The following GALNT13 variants were observed in gnomAD, a reference collection of about 807,000 sequenced individuals.
GALNT13 encodes the protein UDP-GalNAc:polypeptide N-acetylgalactosaminyltransferase 13.
A neutral mutation model predicts 64.2 loss-of-function variants in GALNT13; 28 were observed. The observed-to-expected ratio is 0.44, with a 90% CI of 0.32 to 0.60. GALNT13 has a LOEUF of 0.60. Among genes scored for constraint, GALNT13 ranks in the 20% least tolerant of loss-of-function variants. GALNT13 has a pLI of 0.05. For synonymous variants in GALNT13, 214 were observed against 224.6 expected, an observed-to-expected ratio of 0.95 and a Z score of 0.42; for missense variants, 577 against 669.8, an observed-to-expected ratio of 0.86 and a Z score of 1.53.
the GALNT13 span, among the ~76,000 whole-genome samples, chr2:153,821,678 T>A: frequency 6.6e-6 from 1 of 151,950 alleles, no homozygotes; most frequent in East Asian, 1.9e-4. Context: ...GAAGAAATAG[T>A]AAAACAAGGA....
intron 4 of GALNT13, among the ~76,000 whole-genome samples, chr2:154,214,909 A>G (rs891329653): frequency 3.3e-5 from 5 of 152,176 alleles, no homozygotes; most frequent in African/African-American, 1.2e-4. Flanking sequence ...CCCTAGCACA[A>G]TGCTGGATTC....
At chr2:153,465,607 G>C in the GALNT13 span, among the ~76,000 whole-genome samples, 1 of 151,654 alleles carries the variant, frequency 6.6e-6, no homozygotes, top group African/African-American at 2.4e-5. Context: ...TGGATAAATA[G>C]GTGCCTCTGA....
the GALNT13 span, among the ~76,000 whole-genome samples, chr2:153,616,470 A>G: frequency 6.6e-6 from 1 of 151,768 alleles, no homozygotes; most frequent in Non-Finnish European, 1.5e-5. Flanking sequence ...GAAGAATGTC[A>G]TTGGTATTTT....
the GALNT13 span, among the ~76,000 whole-genome samples, chr2:153,605,977 A>C: frequency 1.3e-5 from 2 of 152,024 alleles, no homozygotes; most frequent in African/African-American, 4.8e-5. Context: ...TTAGAGCAAT[A>C]GTGAGGAGAA....
chr2:153,972,666 TA>T (rs1693819667), intron 3 of GALNT13, among the ~76,000 whole-genome samples: 1 of 152,082 alleles, frequency 6.6e-6, no homozygotes, highest in South Asian at 2.1e-4. Context: ...TTGCTGTACC[TA>T]ATATAAAATA....
the GALNT13 span, among the ~76,000 whole-genome samples, chr2:153,645,122 G>A: frequency 1.3e-5 from 2 of 152,080 alleles, no homozygotes; most frequent in African/African-American, 4.8e-5. Context: ...ACTGCAAAGA[G>A]TTAGAGGCAA....
intron 1 of GALNT13, among the ~76,000 whole-genome samples, chr2:153,893,678 A>G (rs1687708346): frequency 6.6e-6 from 1 of 152,046 alleles, no homozygotes; most frequent in African/African-American, 2.4e-5. Flanking sequence ...TTGGAATATA[A>G]ATAAATATTA....
At chr2:153,856,291 A>G in the GALNT13 span, among the ~76,000 whole-genome samples, 1 of 152,282 alleles carries the variant, frequency 6.6e-6, no homozygotes. Flanking sequence ...GTAGGCAGGT[A>G]AATAGATAGA....
the GALNT13 span, among the ~76,000 whole-genome samples, chr2:153,181,232 A>T: frequency 6.6e-6 from 1 of 151,058 alleles, no homozygotes; most frequent in African/African-American, 2.4e-5. Flanking sequence ...AGATATTTTT[A>T]AATTTCTCTT....
At chr2:153,817,849 T>C in the GALNT13 span, among the ~76,000 whole-genome samples, 5 of 152,246 alleles carry the variant, frequency 3.3e-5, no homozygotes, top group East Asian at 9.7e-4. Flanking sequence ...AAGGAAAACA[T>C]GGTGTAACCA....
the GALNT13 span, among the ~76,000 whole-genome samples, chr2:153,850,500 G>C: frequency 6.6e-6 from 1 of 152,124 alleles, no homozygotes; most frequent in Non-Finnish European, 1.5e-5. Context: ...TCAAAAGGTA[G>C]AATTAACAAT....
chr2:154,297,437 G>A (rs113914550), intron 8 of GALNT13, among the ~76,000 whole-genome samples: 2 of 152,270 alleles, frequency 1.3e-5, no homozygotes, highest in African/African-American at 2.4e-5. Flanking sequence ...AGGTCAGAAA[G>A]GTGGGGTCCT....
chr2:153,274,507 A>G, the GALNT13 span, among the ~76,000 whole-genome samples: 1 of 152,206 alleles, frequency 6.6e-6, no homozygotes, highest in Non-Finnish European at 1.5e-5. Flanking sequence ...AGAATAAAAG[A>G]GGAATATGGC....
chr2:154,092,102 G>T (rs925797867), intron 3 of GALNT13, among the ~76,000 whole-genome samples: 114 of 124,038 alleles, frequency 9.2e-4, no homozygotes, highest in African/African-American at 3.4e-3. Context: ...AAAAAAAAAA[G>T]CTATAATTTA....
At chr2:153,350,478 G>A in the GALNT13 span, among the ~76,000 whole-genome samples, 2 of 150,262 alleles carry the variant, frequency 1.3e-5, no homozygotes, top group African/African-American at 2.5e-5. Flanking sequence ...TGTCTCCCGG[G>A]TTCAAGCGAT....
chr2:153,169,900 G>A, the GALNT13 span, among the ~76,000 whole-genome samples: 1 of 152,306 alleles, frequency 6.6e-6, no homozygotes, highest in South Asian at 2.1e-4. Flanking sequence ...TCATTAGCAT[G>A]TGTGGTTTTA....
chr2:154,083,553 G>A (rs1558948393), intron 3 of GALNT13, among the ~76,000 whole-genome samples: 1 of 151,704 alleles, frequency 6.6e-6, no homozygotes, highest in East Asian at 1.9e-4. Flanking sequence ...AGCATGGAAT[G>A]TTTTTTCATT....
chr2:153,806,062 T>A, the GALNT13 span, among the ~76,000 whole-genome samples: 1 of 152,142 alleles, frequency 6.6e-6, no homozygotes, highest in Non-Finnish European at 1.5e-5. Flanking sequence ...ACAATGTATA[T>A]CCCTAGCATC....
chr2:153,323,879 T>G, the GALNT13 span, among the ~76,000 whole-genome samples: 1 of 152,346 alleles, frequency 6.6e-6, no homozygotes, highest in African/African-American at 2.4e-5. Flanking sequence ...CTATGCTGTT[T>G]TGGTTACTGT....
Sources: allele counts gnomAD v4.1 joint callset (sites outside exome capture counted in the v4.1 genomes callset), GRCh38; gene constraint gnomAD v4.1.1; transcripts MANE v1.5; gene names NCBI Gene and HGNC (gene_info 2026-07-23, HGNC 2026-07-21).